The following GALNT11 variants were observed in gnomAD, a reference collection of about 807,000 sequenced individuals.
GALNT11 encodes UDP-GalNAc:polypeptide N-acetylgalactosaminyltransferase 11.
A neutral mutation model predicts 72.7 loss-of-function variants in GALNT11; 47 were observed. The ratio of observed to expected loss-of-function variants is 0.65; its 90% CI spans 0.51 to 0.82. GALNT11 has a LOEUF of 0.82. GALNT11 is among the 40% of genes least tolerant of loss of function. The pLI is 0.00. For missense variants in GALNT11, 677 were observed against 778.4 expected (o/e 0.87, Z 1.55); for synonymous variants, 270 against 286.6 (o/e 0.94, Z 0.58).
At chr7:152,039,756 G>A (rs1387787782) in intron 1 of GALNT11, among the ~76,000 whole-genome samples, 1 of 152,066 alleles carries the variant, frequency 6.6e-6, no homozygotes, top group South Asian at 2.1e-4. Flanking sequence ...TGTTGATTTG[G>A]TCCTGGAGAA....
chr7:152,041,921 G>A (rs1299809880), intron 1 of GALNT11, among the ~76,000 whole-genome samples: 1 of 152,196 alleles, frequency 6.6e-6, no homozygotes, highest in Non-Finnish European at 1.5e-5. Flanking sequence ...ATTTTGTCAG[G>A]AGCTGTAATT....
intron 7 of GALNT11, among the ~76,000 whole-genome samples, chr7:152,112,463 C>T (rs2088337517): frequency 6.6e-6 from 1 of 151,888 alleles, no homozygotes; most frequent in Non-Finnish European, 1.5e-5. Flanking sequence ...ATCGCTTGAA[C>T]CTGGGAGGCA....
At chr7:152,073,026 A>G (rs1454128867) in intron 1 of GALNT11, among the ~76,000 whole-genome samples, 1 of 152,134 alleles carries the variant, frequency 6.6e-6, no homozygotes, top group Admixed American at 6.5e-5. Context: ...TTATTTTTCA[A>G]TTGGCATATA....
chr7:152,078,804 A>T (rs1378131765), intron 1 of GALNT11, among the ~76,000 whole-genome samples: 1 of 152,200 alleles, frequency 6.6e-6, no homozygotes, highest in African/African-American at 2.4e-5. Context: ...TTTTGATTGG[A>T]CAAAAAGGAT....
intron 1 of GALNT11, among the ~76,000 whole-genome samples, chr7:152,078,140 C>T (rs1394929461): frequency 6.6e-6 from 1 of 151,858 alleles, no homozygotes; most frequent in East Asian, 1.9e-4. Context: ...AAATATACTC[C>T]ATCCTGAGAA....
intron 5 of GALNT11, chr7:152,107,728 T>C (rs1283384192): frequency 8.9e-6 from 2 of 223,984 alleles, no homozygotes; most frequent in Non-Finnish European, 1.8e-5. Flanking sequence ...AAGAGTTGAG[T>C]TGTTACGGTG....
At chr7:152,085,608 T>C (rs1426838031) in intron 1 of GALNT11, among the ~76,000 whole-genome samples, 2 of 151,654 alleles carry the variant, frequency 1.3e-5, no homozygotes, top group Admixed American at 1.3e-4. Flanking sequence ...GATTAAAGTT[T>C]TAGCTTTTGA....
chr7:152,086,337 C>G (rs1333804983), intron 1 of GALNT11, among the ~76,000 whole-genome samples: 1 of 152,104 alleles, frequency 6.6e-6, no homozygotes, highest in African/African-American at 2.4e-5. Flanking sequence ...AACTTCTTGA[C>G]CTATCCGAAA....
intron 1 of GALNT11, among the ~76,000 whole-genome samples, chr7:152,077,888 A>G (rs184528000): frequency 1.3e-5 from 2 of 152,206 alleles, no homozygotes; most frequent in Admixed American, 1.3e-4. Flanking sequence ...ATGTTCATGG[A>G]GATAAAAGTT....
At chr7:152,111,644 A>ATT (rs1554432562) in intron 7 of GALNT11, among the ~76,000 whole-genome samples, 69 of 139,280 alleles carry the variant, frequency 5.0e-4, no homozygotes, top group African/African-American at 1.7e-3. Context: ...ATATATATAT[A>ATT]TTTTTTTAAA....
At chr7:152,052,517 G>A (rs975449644) in intron 1 of GALNT11, among the ~76,000 whole-genome samples, 1 of 152,124 alleles carries the variant, frequency 6.6e-6, no homozygotes, top group Non-Finnish European at 1.5e-5. Context: ...TTTAAAAACT[G>A]CTTTCTTAAA....
intron 1 of GALNT11, among the ~76,000 whole-genome samples, chr7:152,032,470 G>A (rs2082349143): frequency 6.6e-6 from 1 of 152,196 alleles, no homozygotes; most frequent in African/African-American, 2.4e-5. Flanking sequence ...CCTCACTGAT[G>A]AGTCTAAGAT....
chr7:152,046,565 T>G (rs1252626247), intron 1 of GALNT11, among the ~76,000 whole-genome samples: 2 of 152,228 alleles, frequency 1.3e-5, no homozygotes, highest in African/African-American at 4.8e-5. Flanking sequence ...CCTTGTCTCT[T>G]TATAGTTTTT....
chr7:152,059,926 C>T (rs948711304), intron 1 of GALNT11, among the ~76,000 whole-genome samples: 1 of 152,184 alleles, frequency 6.6e-6, no homozygotes. Flanking sequence ...GGAAGCCGGA[C>T]ATTGATATCT....
intron 1 of GALNT11, chr7:152,079,182 T>A (rs1231477524): frequency 2.0e-5 from 3 of 152,230 alleles, no homozygotes; most frequent in Non-Finnish European, 4.4e-5. Context: ...TCCTTACTGT[T>A]CTTTTCTACC....
Position 152,111,642 on chromosome 7 carries a change from A to AT in GALNT11, c.1080+998dup, listed in dbSNP as rs201612182. Among the ~76,000 whole-genome samples, 463 of 146,316 alleles carry AT rather than the reference A, an allele frequency of 3.2e-3. 3 individuals are homozygous for AT. Among genetic ancestry groups the AT allele is most frequent in the African/African-American group, 0.012 (436 of 37,116 alleles). On this transcript the variant is annotated intron_variant, in intron 7 of 11. Transcript: ENST00000430044. ...TGTGTGTGTGTGTATATATATATAT[A>AT]TATTTTTTTAAATTATAAAAGTATT...
chr7:152,038,508 C>T (rs2082694797), intron 1 of GALNT11, among the ~76,000 whole-genome samples: 1 of 152,216 alleles, frequency 6.6e-6, no homozygotes, highest in South Asian at 2.1e-4. Flanking sequence ...GACAACCTTC[C>T]AGCATTGCGT....
In GALNT11 at chr7:152,047,687, C is replaced by CGTGTGTGTGTGTGTGTGT. The variant is rs141152865; in HGVS notation, c.-39+21809_-39+21826dup. Among the ~76,000 whole-genome samples the CGTGTGTGTGTGTGTGTGT allele has an allele frequency of 5.3e-4, 78 of 147,128 alleles. 1 individual carries two copies. Among genetic ancestry groups the CGTGTGTGTGTGTGTGTGT allele is most frequent in the African/African-American group, 1.8e-3 (74 of 40,234 alleles). ...ACTCTAGCCTGGTCAACAGTGACAC[C>CGTGTGTGTGTGTGTGTGT]GTGTGTGTGTGTGTGTGTGTGTGCG... On this transcript the variant is annotated intron_variant, in intron 1 of 11. Transcript: ENST00000430044.
chr7:152,115,816 C>T lies in GALNT11; in HGVS notation c.1234-1341C>T, dbSNP rs572291058. Among the ~76,000 whole-genome samples the T allele has an allele frequency of 2.5e-3, 382 of 151,566 alleles. 2 individuals carry two copies. The highest frequency in any genetic ancestry group is 4.3e-3 in the Non-Finnish European group (289 of 67,852). On this transcript the variant is annotated intron_variant, in intron 8 of 11. Transcript: ENST00000430044. ...GCATGCCTGTAATCCCAGCACTTTG[C>T]GAGGCCGAGGCAGGAGGATCACCTG...
Sources: gnomAD v4.1 joint callset for allele counts (sites outside exome capture counted in the v4.1 genomes callset) on GRCh38, gnomAD v4.1.1 for gene constraint, MANE v1.5 for transcripts, NCBI Gene and HGNC (gene_info 2026-07-23, HGNC 2026-07-21) for gene names.